Variants in DISP1 observed in about 807,000 individuals in gnomAD.
DISP1 encodes dispatched RND transporter family member 1.
DISP1 carries 30 observed loss-of-function variants against 37.3 expected under a neutral mutation model. The observed-to-expected ratio is 0.80, with a 90% CI of 0.60 to 1.09. DISP1 has a LOEUF of 1.09. DISP1 is among the 50% of genes least tolerant of loss of function. The pLI, the probability that DISP1 is intolerant of heterozygous loss-of-function variation, is 0.00. For missense variants in DISP1, 1,598 were observed against 1,879.5 expected, an observed-to-expected ratio of 0.85 and a Z score of 2.77; for synonymous variants, 634 against 690.2, an observed-to-expected ratio of 0.92 and a Z score of 1.28.
In DISP1 at chr1:222,907,880, C is replaced by T. The variant is rs954621859; in HGVS notation, c.-158-20550C>T. 2.6e-5 allele frequency among the ~76,000 whole-genome samples: 4 copies of T among 152,200 alleles called. No individual in the cohort carries two copies. The South Asian group carries it at 6.2e-4, about 24-fold the overall frequency. On this transcript the variant is annotated intron_variant, in intron 1 of 8. Transcript: ENST00000675850. ...AGGAGAATTGCTTGAACCCTGGAGGCGGAGGTTGCAGTGAGCTGAAATTGT... is the reference window on the plus strand; with the variant it reads ...AGGAGAATTGCTTGAACCCTGGAGGTGGAGGTTGCAGTGAGCTGAAATTGT...
chr1:222,918,120 G>C (rs897806697), intron 1 of DISP1, among the ~76,000 whole-genome samples: 1 of 152,064 alleles, frequency 6.6e-6, no homozygotes, highest in Non-Finnish European at 1.5e-5. Flanking sequence ...AATGAGAAGG[G>C]GGCCTGGACC....
intron 1 of DISP1, among the ~76,000 whole-genome samples, chr1:222,887,546 C>T (rs1472097737): frequency 3.3e-5 from 3 of 91,374 alleles, no homozygotes; most frequent in African/African-American, 1.2e-4. Flanking sequence ...GGCCGGACTG[C>T]GGACTGCAGT....
chr1:222,985,455 G>A (rs1002368202), intron 4 of DISP1, among the ~76,000 whole-genome samples: 3 of 152,204 alleles, frequency 2.0e-5, no homozygotes, highest in Non-Finnish European at 4.4e-5. Context: ...TTCGAGACCA[G>A]CCTGGCCAAC....
At chr1:222,898,369 A>G (rs1457363293) in intron 1 of DISP1, among the ~76,000 whole-genome samples, 2 of 152,108 alleles carry the variant, frequency 1.3e-5, no homozygotes, top group African/African-American at 4.8e-5. Flanking sequence ...TGTGGCATAG[A>G]GTGTTCTTAA....
chr1:222,972,600 A>G (rs568353852), intron 3 of DISP1, among the ~76,000 whole-genome samples: 14 of 152,246 alleles, frequency 9.2e-5, no homozygotes, highest in African/African-American at 3.4e-4. Context: ...TATTGACACA[A>G]GGTTTGTTTC....
intron 3 of DISP1, among the ~76,000 whole-genome samples, chr1:222,949,080 T>A (rs960847773): frequency 2.0e-5 from 3 of 151,966 alleles, no homozygotes; most frequent in Admixed American, 6.6e-5. Context: ...TAAAAAAAAA[T>A]TCCTTTTTAG....
At chr1:222,903,415 T>TC (rs1229498565) in intron 1 of DISP1, among the ~76,000 whole-genome samples, 4 of 151,638 alleles carry the variant, frequency 2.6e-5, no homozygotes, top group Non-Finnish European at 5.9e-5. Flanking sequence ...AACCTGCACA[T>TC]TGTGCACATG....
rs1000187227 is a variant in DISP1, at chr1:222,873,328, T to A, written c.-158-55102T>A. 5.3e-5 allele frequency among the ~76,000 whole-genome samples: 8 copies of A among 152,298 alleles called. 1 individual carries two copies. Among genetic ancestry groups the A allele is most frequent in the Admixed American group, 1.3e-4 (2 of 15,294 alleles). On this transcript the variant is annotated intron_variant, in intron 1 of 8. Transcript: ENST00000675850. The stretch of plus-strand genomic sequence containing the variant: ...AGCTGAGTTCAATTCCTGGATATCC[T>A]TGTTAACTTTCTGTCTTGTTGATCT...
intron 1 of DISP1, among the ~76,000 whole-genome samples, chr1:222,824,953 C>G (rs1378737055): frequency 6.6e-6 from 1 of 151,716 alleles, no homozygotes; most frequent in Non-Finnish European, 1.5e-5. Context: ...GCCGCTACTG[C>G]AAAAAAAATT....
At chr1:222,816,365 G>A (rs1572067919) in intron 1 of DISP1, among the ~76,000 whole-genome samples, 1 of 152,292 alleles carries the variant, frequency 6.6e-6, no homozygotes, top group Admixed American at 6.5e-5. Context: ...TTTTAAGTAG[G>A]TAGTAAGTGA....
intron 1 of DISP1, among the ~76,000 whole-genome samples, chr1:222,820,604 G>C (rs944016430): frequency 2.0e-5 from 3 of 152,190 alleles, no homozygotes; most frequent in African/African-American, 7.2e-5. Flanking sequence ...CCAGGTTTCA[G>C]GCATGAATTT....
rs1670839923 is a variant in DISP1, at chr1:222,889,753, A to G, written c.-158-38677A>G. On this transcript the variant is annotated intron_variant, in intron 1 of 8. Transcript: ENST00000675850. Reference sequence around the variant, plus strand: ...ACTGCAGTAATATAAAATGAAGACAATTTCTGATTTCATTATCTTGAAAAC... The same window carrying G: ...ACTGCAGTAATATAAAATGAAGACAGTTTCTGATTTCATTATCTTGAAAAC... Among the ~76,000 whole-genome samples, 4 of 152,128 alleles carry G rather than the reference A, an allele frequency of 2.6e-5. No individual in the cohort carries two copies. In the South Asian group the frequency reaches 8.3e-4, roughly 31 times the overall value.
intron 1 of DISP1, among the ~76,000 whole-genome samples, chr1:222,908,206 G>T (rs1036891299): frequency 6.6e-6 from 1 of 152,090 alleles, no homozygotes; most frequent in Non-Finnish European, 1.5e-5. Context: ...ACTTTCATTT[G>T]GTATGTTGAT....
At chr1:222,888,504 T>C (rs192831763) in intron 1 of DISP1, among the ~76,000 whole-genome samples, 1 of 152,128 alleles carries the variant, frequency 6.6e-6, no homozygotes, top group Non-Finnish European at 1.5e-5. Context: ...GTAAATTTTT[T>C]TATGGAGCAA....
chr1:222,980,900 A>G (rs1244015508), intron 3 of DISP1, among the ~76,000 whole-genome samples: 1 of 152,178 alleles, frequency 6.6e-6, no homozygotes, highest in East Asian at 1.9e-4. Flanking sequence ...CAACATGGTG[A>G]AACCCCATCT....
chr1:222,956,619 C>G (rs189007364), intron 3 of DISP1, among the ~76,000 whole-genome samples: 6 of 152,010 alleles, frequency 3.9e-5, no homozygotes, highest in East Asian at 1.9e-4. Flanking sequence ...ACACTGGGCT[C>G]CAAATTGCAT....
intron 3 of DISP1, among the ~76,000 whole-genome samples, chr1:222,977,092 C>G (rs980328964): frequency 6.6e-6 from 1 of 152,118 alleles, no homozygotes; most frequent in Non-Finnish European, 1.5e-5. Context: ...TACAATGGCG[C>G]GATCTCGGTT....
chr1:222,918,705 A>AT (rs1164915066), intron 1 of DISP1, among the ~76,000 whole-genome samples: 1 of 152,266 alleles, frequency 6.6e-6, no homozygotes, highest in African/African-American at 2.4e-5. Context: ...TTGAGGATTG[A>AT]TTTTTTTACT....
chr1:222,872,272 C>G (rs1035346441), intron 1 of DISP1: 3 of 152,114 alleles, frequency 2.0e-5, no homozygotes, highest in African/African-American at 7.2e-5. Flanking sequence ...CTCTGCCAGG[C>G]TTTGGTATCA....
Sources: allele counts gnomAD v4.1 joint callset (sites outside exome capture counted in the v4.1 genomes callset), GRCh38; gene constraint gnomAD v4.1.1; transcripts MANE v1.5; gene names NCBI Gene and HGNC (gene_info 2026-07-23, HGNC 2026-07-21).